Variants in LRRC8A observed in about 807,000 individuals in gnomAD.
LRRC8A encodes volume-regulated anion channel subunit LRRC8A.
LRRC8A carries 24 observed loss-of-function variants against 52.5 expected under a neutral mutation model. That is an observed-to-expected ratio of 0.46 (90% CI 0.33 to 0.64). The LOEUF (loss-of-function observed/expected upper bound fraction) is 0.64. Among genes scored for constraint, LRRC8A ranks in the 30% least tolerant of loss-of-function variants. The pLI is 0.02. For missense variants in LRRC8A, 677 were observed against 1,094.7 expected (o/e 0.62, Z 5.38); for synonymous variants, 492 against 494.2 (o/e 1.00, Z 0.06).
intron 3 of LRRC8A, among the ~76,000 whole-genome samples, chr9:128,910,887 T>C (rs750999898): frequency 6.3e-4 from 96 of 152,264 alleles, no homozygotes; most frequent in Non-Finnish European, 1.1e-3. Context: ...GTTTCTTAGT[T>C]CGGTTGTTGC....
chr9:128,901,324 G>A (rs777322474), intron 2 of LRRC8A, among the ~76,000 whole-genome samples: 8 of 151,998 alleles, frequency 5.3e-5, no homozygotes, highest in Non-Finnish European at 7.4e-5. Flanking sequence ...TTAGCCGGCC[G>A]TGGTGGTGGC....
intron 2 of LRRC8A, among the ~76,000 whole-genome samples, chr9:128,889,874 C>T (rs1839537332): frequency 6.6e-6 from 1 of 151,968 alleles, no homozygotes; most frequent in African/African-American, 2.4e-5. Flanking sequence ...GCCATCTTGG[C>T]TCATTGCAGC....
intron 2 of LRRC8A, among the ~76,000 whole-genome samples, chr9:128,887,668 T>G (rs1281274798): frequency 2.0e-5 from 3 of 151,622 alleles, no homozygotes; most frequent in Non-Finnish European, 2.9e-5. Context: ...TTTTTTGAGA[T>G]GGAGTCTTTG....
Position 128,892,627 on chromosome 9 carries a change from G to A in LRRC8A, c.-9+6506G>A, listed in dbSNP as rs1839668182. On this transcript the variant is annotated intron_variant, in intron 2 of 3. Coordinates refer to ENST00000372600, the MANE Select transcript of LRRC8A (RefSeq NM_019594.4). The surrounding 1 kb of genome is among the most constrained non-coding windows in gnomAD (Gnocchi z 5.2). ...TGGGTGTGGGGGCCTCCAGGGCAGT[G>A]TCCGCCCTGGGGAGGGTGGAGGCTG... 6.6e-6 allele frequency among the ~76,000 whole-genome samples: 1 copy of A among 152,176 alleles called. No individual in the cohort carries two copies. The highest frequency in any genetic ancestry group is 1.5e-5 in the Non-Finnish European group (1 of 68,016).
At chr9:128,884,450 G>C (rs777064137) in intron 1 of LRRC8A, among the ~76,000 whole-genome samples, 5 of 152,142 alleles carry the variant, frequency 3.3e-5, no homozygotes, top group Non-Finnish European at 7.4e-5. Context: ...CCTGTCTTGG[G>C]CCTGGGATGG....
Position 128,910,975 on chromosome 9 carries a change from C to T in LRRC8A, c.2157+1654C>T, listed in dbSNP as rs73669998. 7.5e-3 allele frequency among the ~76,000 whole-genome samples: 1,149 copies of T among 152,320 alleles called. 12 individuals carry two copies. The highest frequency in any genetic ancestry group is 0.027 in the African/African-American group (1,107 of 41,566). On this transcript the variant is annotated intron_variant, in intron 3 of 3. Transcript: ENST00000372600. ...CGTGGGCACCTGCTCTGTGTTCGCCCTGTGCCAGGCATGATGCACCTGTCC... is the reference window on the plus strand; with the variant it reads ...CGTGGGCACCTGCTCTGTGTTCGCCTTGTGCCAGGCATGATGCACCTGTCC...
At position 128,907,514 on chromosome 9, in the gene LRRC8A, G is replaced by C; in HGVS notation, c.350G>C (p.Arg117Pro). The C allele has an allele frequency of 6.2e-7, 1 of 1,614,144 alleles. No homozygotes were observed. Among genetic ancestry groups the C allele is most frequent in the Non-Finnish European group, 8.5e-7 (1 of 1,180,048 alleles). The change falls in exon 3 of 4, where the codon CGA becomes CCA. Residue 117 changes from arginine (R) to proline (P), a missense_variant. Physicochemically the swap from Arg to Pro is moderately radical, Grantham distance 103. Transcript: ENST00000372600. The surrounding 1 kb of genome is among the most constrained non-coding windows in gnomAD (Gnocchi z 9.3). ...NYVDAVCYENRLHWFAKYFPY... is the reference protein window; with the variant it reads ...NYVDAVCYENPLHWFAKYFPY... ...GTGGACGCTGTGTGCTATGAGAACC[G>C]ACTGCACTGGTTTGCCAAGTACTTC...
intron 2 of LRRC8A, among the ~76,000 whole-genome samples, chr9:128,898,211 G>T (rs73669987): frequency 0.056 from 8,456 of 152,030 alleles, 282 homozygotes; most frequent in African/African-American, 0.097. Flanking sequence ...TCTGATCATT[G>T]AGTATGTTTT....
chr9:128,889,128 G>A (rs1839507538), intron 2 of LRRC8A, among the ~76,000 whole-genome samples: 1 of 152,136 alleles, frequency 6.6e-6, no homozygotes, highest in South Asian at 2.1e-4. Context: ...ACCCAGGTTG[G>A]TATGGCTTGG....
chr9:128,915,320 G>A (rs1190755100), intron 3 of LRRC8A, among the ~76,000 whole-genome samples: 2 of 152,034 alleles, frequency 1.3e-5, no homozygotes, highest in Admixed American at 1.3e-4. Context: ...GTACACTTAG[G>A]CTTTGAGGCT....
chr9:128,894,895 T>C (rs1475031770), intron 2 of LRRC8A, among the ~76,000 whole-genome samples: 2 of 152,178 alleles, frequency 1.3e-5, no homozygotes, highest in Non-Finnish European at 2.9e-5. Flanking sequence ...AGTGTACACT[T>C]CAATGGTATT....
At chr9:128,885,881 A>G (rs527319806) in intron 1 of LRRC8A, 134 bp from the exon 2 acceptor site, 1 of 152,316 alleles carries the variant, frequency 6.6e-6, no homozygotes, top group South Asian at 2.1e-4. Flanking sequence ...TATACAAAAA[A>G]AACCTCTTTT....
rs116679304 is a variant in LRRC8A at position 128,908,952 on chromosome 9, G to A, written c.1788G>A (p.Leu596=). The A allele has an allele frequency of 6.5e-4, 1,050 of 1,614,132 alleles. 4 individuals are homozygous for A. In the African/African-American group the frequency reaches 0.013, roughly 20 times the overall value. ...AGAAGATGGCGAACCTGACTGAGCTGGAGCTGATCCGCTGTGACCTGGAGC... is the reference window on the plus strand; with the variant it reads ...AGAAGATGGCGAACCTGACTGAGCTAGAGCTGATCCGCTGTGACCTGGAGC... ...SLKKMANLTE[L]ELIRCDLERI... is the part of the protein sequence containing the mutation. The change falls in exon 3 of 4, where the codon CTG becomes CTA. Residue 596 remains leucine, a synonymous_variant. Coordinates refer to ENST00000372600, the MANE Select transcript of LRRC8A (RefSeq NM_019594.4).
chr9:128,889,644 G>A lies in LRRC8A; in HGVS notation c.-9+3523G>A, dbSNP rs980308297. ...CGAGTAGCTGGGACTACAGGTGCCCGCCACCATGCCCAGCTAATTTTTGTA... is the reference window on the plus strand; with the variant it reads ...CGAGTAGCTGGGACTACAGGTGCCCACCACCATGCCCAGCTAATTTTTGTA... On this transcript the variant is annotated intron_variant, in intron 2 of 3. Transcript: ENST00000372600. 7.3e-5 allele frequency among the ~76,000 whole-genome samples: 11 copies of A among 150,682 alleles called. No individual in the cohort carries two copies. The East Asian group carries it at 1.2e-3, about 16-fold the overall frequency.
chr9:128,904,972 T>C (rs1840182397), intron 2 of LRRC8A, among the ~76,000 whole-genome samples: 1 of 124,912 alleles, frequency 8.0e-6, no homozygotes, highest in Admixed American at 1.1e-4. Context: ...CACTCCAGCC[T>C]AGGCAACAGA....
intron 1 of LRRC8A, among the ~76,000 whole-genome samples, chr9:128,883,378 A>T (rs1839213205): frequency 6.6e-6 from 1 of 152,252 alleles, no homozygotes; most frequent in South Asian, 2.1e-4. Context: ...GGCTGTAAGA[A>T]GCGGGAGGAG....
intron 3 of LRRC8A, among the ~76,000 whole-genome samples, chr9:128,914,292 G>A (rs1030077120): frequency 1.4e-5 from 2 of 148,136 alleles, no homozygotes; most frequent in Admixed American, 1.4e-4. Context: ...TTGCTCCCCA[G>A]GAACTCCTGG....
At chr9:128,915,860 G>T (rs1840790841) in intron 3 of LRRC8A, among the ~76,000 whole-genome samples, 1 of 152,194 alleles carries the variant, frequency 6.6e-6, no homozygotes, top group East Asian at 1.9e-4. Flanking sequence ...TGCGAGTGGG[G>T]ACATGGGGGC....
At chr9:128,912,512 G>GC (rs1372433859) in intron 3 of LRRC8A, among the ~76,000 whole-genome samples, 3 of 137,930 alleles carry the variant, frequency 2.2e-5, no homozygotes, top group Admixed American at 2.2e-4. Flanking sequence ...TATGGGGGGG[G>GC]GTGTGGATGG....
Sources: gnomAD v4.1 joint callset for allele counts (sites outside exome capture counted in the v4.1 genomes callset) on GRCh38, gnomAD v4.1.1 for gene constraint, Gnocchi (gnomAD v3.1) non-coding constraint, MANE v1.5 for transcripts, NCBI Gene and HGNC (gene_info 2026-07-23, HGNC 2026-07-21) for gene names.